Variants in KCNIP4 observed in about 807,000 individuals in gnomAD.
The protein encoded by KCNIP4 is potassium voltage-gated channel interacting protein 4.
KCNIP4 carries 12 observed loss-of-function variants against 34.0 expected under a neutral mutation model. That is an observed-to-expected ratio of 0.35 (90% CI 0.23 to 0.57). KCNIP4 has a LOEUF of 0.57. Among genes scored for constraint, KCNIP4 ranks in the 20% least tolerant of loss-of-function variants. The pLI, the probability that KCNIP4 is intolerant of heterozygous loss-of-function variation, is 0.83. For missense variants in KCNIP4, 238 were observed against 311.7 expected, an observed-to-expected ratio of 0.76 and a Z score of 1.78; for synonymous variants, 124 against 102.2, an observed-to-expected ratio of 1.21 and a Z score of -1.29.
chr4:20,989,664 T>A (rs1736903693), intron 1 of KCNIP4, among the ~76,000 whole-genome samples: 1 of 152,066 alleles, frequency 6.6e-6, no homozygotes, highest in East Asian at 1.9e-4. Context: ...GGAACATAAA[T>A]GGGCACACAC....
intron 1 of KCNIP4, among the ~76,000 whole-genome samples, chr4:21,758,010 G>A (rs1434445526): frequency 6.6e-6 from 1 of 152,084 alleles, no homozygotes; most frequent in Non-Finnish European, 1.5e-5. Context: ...AAATGGGTAT[G>A]ACAATAAGAC....
intron 1 of KCNIP4, among the ~76,000 whole-genome samples, chr4:20,942,506 G>A (rs7340882): frequency 0.13 from 19,685 of 152,088 alleles, 1,820 homozygotes; most frequent in African/African-American, 0.27. Context: ...TGGTTTGTGC[G>A]TATTATCTTC....
chr4:20,835,185 C>A (rs949015739), intron 3 of KCNIP4, among the ~76,000 whole-genome samples: 19 of 152,138 alleles, frequency 1.2e-4, no homozygotes, highest in Non-Finnish European at 2.8e-4. Context: ...TTATGTGATA[C>A]CACATCCTCC....
chr4:21,827,091 C>G (rs1051350186), intron 1 of KCNIP4, among the ~76,000 whole-genome samples: 2 of 134,048 alleles, frequency 1.5e-5, no homozygotes, highest in African/African-American at 2.5e-5. Flanking sequence ...GTAAACTTAA[C>G]ACTGCATCTT....
intron 1 of KCNIP4, among the ~76,000 whole-genome samples, chr4:21,527,576 G>T (rs796074795): frequency 2.6e-5 from 4 of 152,210 alleles, no homozygotes; most frequent in African/African-American, 9.6e-5. Context: ...ATAAATGATG[G>T]ATGTAAAGAG....
At chr4:21,802,820 A>G (rs9995230) in intron 1 of KCNIP4, among the ~76,000 whole-genome samples, 33,177 of 152,086 alleles carry the variant, frequency 0.22, 5,881 homozygotes, top group African/African-American at 0.49. Flanking sequence ...TTCCTAAACC[A>G]CATTCTCTCT....
At chr4:20,733,574 A>C (rs1748873055) in intron 6 of KCNIP4, among the ~76,000 whole-genome samples, 1 of 152,202 alleles carries the variant, frequency 6.6e-6, no homozygotes, top group African/African-American at 2.4e-5. Flanking sequence ...AGATGTTTTA[A>C]GCATAGATAA....
rs1035606244 is a variant in KCNIP4 at position 20,984,147 on chromosome 4, G to T, written c.62-101438C>A. 5 of 616,796 alleles carry T rather than the reference G, an allele frequency of 8.1e-6. No homozygotes were observed. The Admixed American group carries it at 9.8e-5, about 12-fold the overall frequency. 38.2% of individuals were successfully genotyped at this position (616,796 alleles called of 1,614,324 possible). On this transcript the variant is annotated intron_variant, in intron 1 of 8. Transcript: ENST00000382152. ...CTGATCCTGGCATTTGGCTGGCGGG[G>T]CTTCCCCCCTGCTACCACAGCGCAC... is the stretch of plus-strand genomic sequence containing the variant.
At chr4:21,727,475 C>G (rs183632421) in intron 1 of KCNIP4, among the ~76,000 whole-genome samples, 140 of 152,170 alleles carry the variant, frequency 9.2e-4, no homozygotes, top group Admixed American at 2.0e-3. Context: ...ATAATTTATC[C>G]AATCTGTGTT....
At chr4:20,993,223 G>A (rs1374665716) in intron 1 of KCNIP4, among the ~76,000 whole-genome samples, 1 of 151,946 alleles carries the variant, frequency 6.6e-6, no homozygotes, top group Non-Finnish European at 1.5e-5. Flanking sequence ...CTGCAACAGG[G>A]TATGAAGATG....
intron 2 of KCNIP4, among the ~76,000 whole-genome samples, chr4:20,881,387 G>A (rs1408725951): frequency 4.0e-5 from 6 of 151,722 alleles, no homozygotes; most frequent in Non-Finnish European, 5.9e-5. Context: ...TATAAAAAGC[G>A]AGTAGGTGGA....
chr4:20,985,111 T>C (rs1415588461), intron 1 of KCNIP4, among the ~76,000 whole-genome samples: 1 of 152,200 alleles, frequency 6.6e-6, no homozygotes, highest in African/African-American at 2.4e-5. Context: ...CAACAGGGAC[T>C]CTGTAGGTGA....
At chr4:21,563,267 G>A (rs970472862) in intron 1 of KCNIP4, among the ~76,000 whole-genome samples, 1 of 152,018 alleles carries the variant, frequency 6.6e-6, no homozygotes, top group African/African-American at 2.4e-5. Flanking sequence ...TCAACTTAAT[G>A]TTTTAAACTT....
intron 1 of KCNIP4, among the ~76,000 whole-genome samples, chr4:21,623,940 T>C (rs1745150403): frequency 6.6e-6 from 1 of 152,148 alleles, no homozygotes; most frequent in Non-Finnish European, 1.5e-5. Flanking sequence ...TAACCTTCCT[T>C]TCTGCTCCAT....
chr4:21,924,344 C>T (rs907542855), intron 1 of KCNIP4, among the ~76,000 whole-genome samples: 24 of 150,274 alleles, frequency 1.6e-4, no homozygotes, highest in African/African-American at 5.4e-4. Flanking sequence ...CCCCGGTTCA[C>T]GCCATTCTTC....
intron 1 of KCNIP4, among the ~76,000 whole-genome samples, chr4:21,129,085 C>T (rs560745863): frequency 2.0e-5 from 3 of 152,250 alleles, no homozygotes; most frequent in South Asian, 2.1e-4. Flanking sequence ...ATCACGGCGG[C>T]GGTTCCCCCA....
intron 1 of KCNIP4, among the ~76,000 whole-genome samples, chr4:21,757,399 G>T (rs1016684539): frequency 1.3e-5 from 2 of 152,140 alleles, no homozygotes; most frequent in African/African-American, 4.8e-5. Context: ...TCACATGTGG[G>T]TTTGGACTAA....
At chr4:21,683,679 T>C (rs545899533) in intron 1 of KCNIP4, among the ~76,000 whole-genome samples, 53 of 151,896 alleles carry the variant, frequency 3.5e-4, no homozygotes, top group African/African-American at 1.3e-3. Flanking sequence ...AAGCCAGATT[T>C]TAAGCACAGA....
intron 1 of KCNIP4, among the ~76,000 whole-genome samples, chr4:21,105,786 T>G (rs554422156): frequency 1.3e-5 from 2 of 151,584 alleles, no homozygotes; most frequent in Non-Finnish European, 2.9e-5. Context: ...ACCTAATTTA[T>G]TGAGAGTTTT....
Sources: gnomAD v4.1 joint callset for allele counts (sites outside exome capture counted in the v4.1 genomes callset) on GRCh38, gnomAD v4.1.1 for gene constraint, MANE v1.5 for transcripts, NCBI Gene and HGNC (gene_info 2026-07-23, HGNC 2026-07-21) for gene names.